SLC2A8: variants seen among roughly 807,000 people sequenced by gnomAD.
The protein encoded by SLC2A8 is solute carrier family 2, facilitated glucose transporter member 8.
Under a neutral mutation model 49.2 loss-of-function variants are expected in SLC2A8, and 53 were observed. The observed-to-expected ratio is 1.08, with a 90% CI of 0.86 to 1.35. SLC2A8 has a LOEUF of 1.35. SLC2A8 is among the 40% of genes most tolerant of loss of function. SLC2A8 has a pLI of 0.00. For synonymous variants in SLC2A8, 299 were observed against 297.0 expected (o/e 1.01, Z -0.07); for missense variants, 688 against 671.7 (o/e 1.02, Z -0.27).
At chr9:127,397,802 GC>G in intron 2 of SLC2A8, 102 bp from the exon 3 acceptor site, 1 of 1,259,376 alleles carries the variant, frequency 7.9e-7, no homozygotes, top group Non-Finnish European at 1.1e-6. Flanking sequence ...CGGGACGGGC[GC>G]GGGGCCCCGG....
At position 127,404,927 on chromosome 9, in the gene SLC2A8, G is replaced by A. The variant is rs374084827; in HGVS notation, c.1086G>A (p.Gln362=). ...HVAISAPVSA[Q]PVDASVGLAW... Reference sequence around the variant, plus strand: ...CCATCTCGGCGCCTGTCTCTGCACAGCCTGTTGATGCCAGCGTGGGGCTGG... The same window carrying A: ...CCATCTCGGCGCCTGTCTCTGCACAACCTGTTGATGCCAGCGTGGGGCTGG... The change falls in exon 8 of 10, where the codon CAG becomes CAA. Residue 362 remains glutamine, a synonymous_variant. Coordinates refer to ENST00000373371, the MANE Select transcript of SLC2A8 (RefSeq NM_014580.5). 1.7e-5 allele frequency: 27 copies of A among 1,612,026 alleles called. No individual in the cohort carries two copies. Among genetic ancestry groups the A allele is most frequent in the Non-Finnish European group, 2.2e-5 (26 of 1,179,712 alleles).
At position 127,399,044 on chromosome 9, in the gene SLC2A8, G is replaced by A. The variant is rs1043685391; in HGVS notation, c.427-863G>A. Among the ~76,000 whole-genome samples the A allele has an allele frequency of 2.0e-5, 3 of 152,240 alleles. No homozygotes were observed. The highest frequency in any genetic ancestry group is 4.8e-5 in the African/African-American group (2 of 41,466). On this transcript the variant is annotated intron_variant, in intron 3 of 9. Coordinates refer to ENST00000373371, the MANE Select transcript of SLC2A8 (RefSeq NM_014580.5). This position sits in a 1 kb window ranked among gnomAD's most constrained non-coding sequence, Gnocchi z 4.2. ...TTTAACTGGGCAGAAACACACCTGTGTTAGGGGCCTAAGCTATGGAATAAC... is the reference window on the plus strand; with the variant it reads ...TTTAACTGGGCAGAAACACACCTGTATTAGGGGCCTAAGCTATGGAATAAC...
At chr9:127,401,789 C>T (rs1564216007) in intron 4 of SLC2A8, among the ~76,000 whole-genome samples, 1 of 152,140 alleles carries the variant, frequency 6.6e-6, no homozygotes, top group South Asian at 2.1e-4. Flanking sequence ...TGTCTGCACC[C>T]CCAGCACAGA....
chr9:127,405,619 T>C (rs1422851835), intron 9 of SLC2A8, 54 bp downstream of exon 9: 4 of 1,604,398 alleles, frequency 2.5e-6, no homozygotes, highest in African/African-American at 2.7e-5. Flanking sequence ...AGAAGCACTT[T>C]CTAAAACCAC....
Position 127,404,019 on chromosome 9 carries a change from G to T in SLC2A8, c.928G>T (p.Ala310Ser), listed in dbSNP as rs541474458. The change falls in exon 7 of 10, where the codon GCT becomes TCT. Residue 310 changes from alanine (A) to serine (S), a missense_variant. Coordinates refer to ENST00000373371, the MANE Select transcript of SLC2A8 (RefSeq NM_014580.5). ...CCAGGTGCTGTTCACAGCTGTGGCGGCTCTCATCATGGACAGAGCAGGGCG... is the reference window on the plus strand; with the variant it reads ...CCAGGTGCTGTTCACAGCTGTGGCGTCTCTCATCATGGACAGAGCAGGGCG... ...VIQVLFTAVA[A>S]LIMDRAGRRL... 33 of 1,607,022 alleles carry T rather than the reference G, an allele frequency of 2.1e-5. No homozygotes were observed. The highest frequency in any genetic ancestry group is 2.8e-5 in the Non-Finnish European group (33 of 1,175,310).
chr9:127,404,592 A>T (rs1039346656), intron 7 of SLC2A8: 10 of 539,350 alleles, frequency 1.9e-5, no homozygotes, highest in African/African-American at 1.2e-4. Context: ...GGTACCTCCC[A>T]TTTCCTCGGC....
In SLC2A8 at chr9:127,407,294, G is replaced by T. The variant is rs745699836; in HGVS notation, c.*45G>T. 6 of 1,610,490 alleles carry T rather than the reference G, an allele frequency of 3.7e-6. No homozygotes were observed. Among genetic ancestry groups the T allele is most frequent in the Admixed American group, 3.3e-5 (2 of 59,910 alleles). On this transcript the variant is annotated 3_prime_UTR_variant, in exon 10 of 10. Coordinates refer to ENST00000373371, the MANE Select transcript of SLC2A8 (RefSeq NM_014580.5). The stretch of plus-strand genomic sequence containing the variant: ...GGAGCAAGCCTGTGACTCCAAGCTG[G>T]GCCCAAGCCCAGAGCCCCTGCCTGC...
At chr9:127,398,329 G>A (rs767898033) in intron 3 of SLC2A8, 2 of 780,586 alleles carry the variant, frequency 2.6e-6, no homozygotes, top group Non-Finnish European at 4.8e-6. Flanking sequence ...ATGCAGTCTC[G>A]GAAAGGTGAA....
At position 127,397,443 on chromosome 9, in the gene SLC2A8, T is replaced by C; in HGVS notation, c.124T>C (p.Phe42Leu). Residue 42 changes from phenylalanine to leucine, a missense_variant, in exon 2 of 10, where the codon TTC becomes CTC. By Grantham distance (22) the Phe-to-Leu change is conservative. Coordinates refer to ENST00000373371, the MANE Select transcript of SLC2A8 (RefSeq NM_014580.5). ...AAALGPLSFG[F>L]ALGYSSPAIP... ...TGCCCTGGGCCCACTCAGCTTCGGC[T>C]TCGCGCTCGGCTACAGCTCCCCGGC... is the stretch of plus-strand genomic sequence containing the variant. 6.7e-7 allele frequency: 1 copy of C among 1,487,122 alleles called. No homozygotes were observed. The allele number at this position is 1,487,122 out of a possible 1,614,324, so 92.1% of individuals were successfully genotyped here. A position where few individuals can be genotyped will look rare whatever the true frequency, so the allele number is the denominator to read the frequency against.
chr9:127,404,612 C>G (rs900834939), intron 7 of SLC2A8: 1 of 577,586 alleles, frequency 1.7e-6, no homozygotes, highest in African/African-American at 1.9e-5. Context: ...CCCAGAGGGT[C>G]TGCTCCGGGA....
rs562957428 is a variant in SLC2A8, at chr9:127,402,644, C to A, written c.614C>A (p.Thr205Asn). The A allele has an allele frequency of 4.4e-6, 7 of 1,593,296 alleles. No individual in the cohort carries two copies. In the Admixed American group the frequency reaches 1.2e-4, roughly 28 times the overall value. The change falls in exon 5 of 10, where the codon ACC becomes AAC. Residue 205 changes from threonine to asparagine, a missense_variant. Transcript: ENST00000373371. ...CTTCTCATGTGCTTCATGCCCGAGA[C>A]CCCGCGCTTCCTGCTGACTCAGCAC... ...MLLLMCFMPE[T>N]PRFLLTQHRR...
chr9:127,402,637 C>G lies in SLC2A8; in HGVS notation c.607C>G (p.Pro203Ala). ...CATGCTGCTTCTCATGTGCTTCATG[C>G]CCGAGACCCCGCGCTTCCTGCTGAC... ...SLMLLLMCFM[P>A]ETPRFLLTQH... Residue 203 changes from proline to alanine, a missense_variant, in exon 5 of 10, where the codon CCC becomes GCC. Coordinates refer to ENST00000373371, the MANE Select transcript of SLC2A8 (RefSeq NM_014580.5). 1 of 1,595,460 alleles carries G rather than the reference C, an allele frequency of 6.3e-7. No homozygotes were observed. The highest frequency in any genetic ancestry group is 1.1e-5 in the South Asian group (1 of 88,230).
chr9:127,402,167 T>C (rs1453449262), intron 4 of SLC2A8, among the ~76,000 whole-genome samples: 1 of 152,266 alleles, frequency 6.6e-6, no homozygotes, highest in Non-Finnish European at 1.5e-5. Context: ...TGTTTCTTGG[T>C]AGCCTTCAGA....
chr9:127,398,015 C>A lies in SLC2A8; in HGVS notation c.330C>A (p.Gly110=). The change falls in exon 3 of 10, where the codon GGC becomes GGA. Residue 110 remains glycine, a synonymous_variant. Coordinates refer to ENST00000373371, the MANE Select transcript of SLC2A8 (RefSeq NM_014580.5). ...LLLCSVPFVA[G]FAVITAAQDV... Reference sequence around the variant, plus strand: ...TGTGCTCCGTGCCCTTCGTGGCCGGCTTTGCCGTCATCACCGCGGCCCAGG... The same window carrying A: ...TGTGCTCCGTGCCCTTCGTGGCCGGATTTGCCGTCATCACCGCGGCCCAGG... 6.4e-7 allele frequency: 1 copy of A among 1,572,796 alleles called. No individual in the cohort carries two copies. The highest frequency in any genetic ancestry group is 8.6e-7 in the Non-Finnish European group (1 of 1,166,498).
chr9:127,398,573 C>A (rs963241594), intron 3 of SLC2A8, among the ~76,000 whole-genome samples: 40 of 152,320 alleles, frequency 2.6e-4, no homozygotes, highest in African/African-American at 9.4e-4. Flanking sequence ...CTGTGTTCCC[C>A]TTCCCTTCTC....
chr9:127,400,648 G>C (rs1297771401), intron 4 of SLC2A8, among the ~76,000 whole-genome samples: 2 of 152,136 alleles, frequency 1.3e-5, no homozygotes, highest in African/African-American at 2.4e-5. Flanking sequence ...GCGAGTAAAG[G>C]GCTGAGCAAG....
At chr9:127,400,099 T>C in intron 4 of SLC2A8, 93 bp downstream of exon 4, 1 of 1,103,942 alleles carries the variant, frequency 9.1e-7, no homozygotes, top group East Asian at 2.6e-5. Flanking sequence ...AAGGGACTTG[T>C]CTGAGGTCAC....
chr9:127,398,250 C>G (rs1387188920), intron 3 of SLC2A8, 139 bp downstream of exon 3: 2 of 886,278 alleles, frequency 2.3e-6, no homozygotes, highest in African/African-American at 3.3e-5. Context: ...CCTGCGTTAT[C>G]TCGCGGTCCC....
chr9:127,397,826 T>C, intron 2 of SLC2A8, 79 bp from the exon 3 acceptor site: 1 of 1,362,580 alleles, frequency 7.3e-7, no homozygotes, highest in Non-Finnish European at 9.6e-7. Flanking sequence ...CTTTTACCTC[T>C]GAGCCCGCGG....
Sources: allele counts gnomAD v4.1 joint callset (sites outside exome capture counted in the v4.1 genomes callset), GRCh38; gene constraint gnomAD v4.1.1; non-coding constraint Gnocchi (gnomAD v3.1); transcripts MANE v1.5; gene names NCBI Gene and HGNC (gene_info 2026-07-23, HGNC 2026-07-21).